The following PPM1L variants were observed in gnomAD, a reference collection of about 807,000 sequenced individuals.
The protein encoded by PPM1L is protein phosphatase 1L.
A neutral mutation model predicts 31.4 loss-of-function variants in PPM1L; 13 were observed. That is an observed-to-expected ratio of 0.41 (90% CI 0.27 to 0.66). The LOEUF (loss-of-function observed/expected upper bound fraction) is 0.66. PPM1L is among the 30% of genes least tolerant of loss of function. PPM1L has a pLI of 0.29. For missense variants in PPM1L, 326 were observed against 453.7 expected, an observed-to-expected ratio of 0.72 and a Z score of 2.56; for synonymous variants, 184 against 175.4, an observed-to-expected ratio of 1.05 and a Z score of -0.39.
At chr3:160,944,036 T>C (rs1715244967) in intron 1 of PPM1L, among the ~76,000 whole-genome samples, 2 of 152,120 alleles carry the variant, frequency 1.3e-5, no homozygotes, top group Non-Finnish European at 1.5e-5. Context: ...CAACCATAAA[T>C]CTTCACGTGG....
chr3:160,993,224 A>G (rs1405625074), intron 2 of PPM1L, among the ~76,000 whole-genome samples: 2 of 152,324 alleles, frequency 1.3e-5, no homozygotes, highest in Non-Finnish European at 2.9e-5. Context: ...TATAATGAAT[A>G]TCTAACAAAA....
chr3:160,961,577 G>A (rs565691643), intron 1 of PPM1L, among the ~76,000 whole-genome samples, 159 bp from the exon 2 acceptor site: 135 of 152,242 alleles, frequency 8.9e-4, no homozygotes, highest in African/African-American at 3.1e-3. Context: ...ACCTTACTGG[G>A]TCCAGTGGAT....
At chr3:160,875,937 C>T (rs9840801) in intron 1 of PPM1L, among the ~76,000 whole-genome samples, 2,752 of 152,288 alleles carry the variant, frequency 0.018, 97 homozygotes, top group African/African-American at 0.062. Context: ...CACAAATTCT[C>T]GCCCTTTTCA....
intron 1 of PPM1L, among the ~76,000 whole-genome samples, chr3:160,948,456 G>A (rs1030648580): frequency 1.1e-4 from 17 of 152,140 alleles, no homozygotes; most frequent in Non-Finnish European, 4.4e-5. Flanking sequence ...TGCAGTCCTC[G>A]GCAGGAGGGG....
intron 2 of PPM1L, among the ~76,000 whole-genome samples, chr3:161,001,978 C>T: frequency 7.5e-6 from 1 of 133,202 alleles, no homozygotes; most frequent in Admixed American, 7.7e-5. Flanking sequence ...CCAATGCTAT[C>T]CCTCCCCCCT....
intron 1 of PPM1L, among the ~76,000 whole-genome samples, chr3:160,832,554 A>AT (rs1216405488): frequency 3.9e-5 from 6 of 152,056 alleles, no homozygotes; most frequent in Non-Finnish European, 7.4e-5. Context: ...ATGTTAGTGC[A>AT]TTTTTTTAAT....
At chr3:161,018,721 TAGTC>T (rs1313466805) in intron 2 of PPM1L, among the ~76,000 whole-genome samples, 4 of 152,200 alleles carry the variant, frequency 2.6e-5, no homozygotes, top group Non-Finnish European at 5.9e-5. Flanking sequence ...TATCACTTAA[TAGTC>T]AGAAAAAATT....
At chr3:161,012,199 C>T (rs1013486923) in intron 2 of PPM1L, among the ~76,000 whole-genome samples, 10 of 152,078 alleles carry the variant, frequency 6.6e-5, no homozygotes, top group African/African-American at 2.4e-4. Context: ...CCCATCAATA[C>T]CTAATTTATT....
chr3:161,062,738 G>A (rs116259328), intron 2 of PPM1L, among the ~76,000 whole-genome samples: 4,085 of 152,256 alleles, frequency 0.027, 160 homozygotes, highest in African/African-American at 0.092. Flanking sequence ...CTGTTAACAC[G>A]TGGAAGCAGA....
In PPM1L at chr3:161,068,734, T is replaced by C. The variant is rs1317253479; in HGVS notation, c.737-77T>C. On this transcript the variant is annotated intron_variant, in intron 3 of 3. Coordinates refer to ENST00000498165, the MANE Select transcript of PPM1L (RefSeq NM_139245.4). ...AGTTCACATGAAGTAGGTCACCCTG[T>C]TGCGCACGTACCTAGACTATCCCAG... 5 of 1,222,740 alleles carry C rather than the reference T, an allele frequency of 4.1e-6. No individual in the cohort carries two copies. In the East Asian group the frequency reaches 9.7e-5, roughly 24 times the overall value. The allele number at this position is 1,222,740 out of a possible 1,614,324, so 75.7% of individuals were successfully genotyped here.
intron 1 of PPM1L, among the ~76,000 whole-genome samples, chr3:160,943,393 T>C (rs1715222796): frequency 6.6e-6 from 1 of 152,224 alleles, no homozygotes; most frequent in Non-Finnish European, 1.5e-5. Flanking sequence ...TAAAGTTGAG[T>C]TAAATGGGAC....
intron 1 of PPM1L, among the ~76,000 whole-genome samples, chr3:160,861,688 A>G (rs1711896249): frequency 6.6e-6 from 1 of 152,172 alleles, no homozygotes; most frequent in South Asian, 2.1e-4. Context: ...TAGTGGTTTA[A>G]AACAACACAA....
intron 2 of PPM1L, among the ~76,000 whole-genome samples, chr3:161,039,418 A>G (rs1041983368): frequency 2.0e-5 from 3 of 152,192 alleles, no homozygotes; most frequent in African/African-American, 7.2e-5. Flanking sequence ...GGGAAGCAGT[A>G]AGGAGGGGGC....
intron 2 of PPM1L, among the ~76,000 whole-genome samples, chr3:161,051,341 AGG>A (rs1322098303): frequency 6.6e-6 from 1 of 151,628 alleles, no homozygotes; most frequent in Non-Finnish European, 1.5e-5. Context: ...GCACTGAATG[AGG>A]GAACAAGGAA....
At chr3:160,776,101 G>C (rs1711552621) in intron 1 of PPM1L, among the ~76,000 whole-genome samples, 1 of 152,126 alleles carries the variant, frequency 6.6e-6, no homozygotes, top group African/African-American at 2.4e-5. Flanking sequence ...GTATATATTT[G>C]TTTCTTCTAC....
chr3:160,975,543 T>A (rs2108028617), intron 2 of PPM1L, among the ~76,000 whole-genome samples: 1 of 152,292 alleles, frequency 6.6e-6, no homozygotes, highest in South Asian at 2.1e-4. Flanking sequence ...TCCTTTTTTA[T>A]TTCCTTGAGC....
chr3:160,844,136 A>C (rs1576666202), intron 1 of PPM1L, among the ~76,000 whole-genome samples: 2 of 152,200 alleles, frequency 1.3e-5, no homozygotes, highest in East Asian at 1.9e-4. Flanking sequence ...AGGTGATCTG[A>C]ATGTATTACT....
intron 2 of PPM1L, among the ~76,000 whole-genome samples, chr3:161,039,450 T>C (rs953012207): frequency 2.0e-5 from 3 of 152,214 alleles, no homozygotes; most frequent in African/African-American, 4.8e-5. Context: ...CATCCGAAGC[T>C]GTTCTAGTGT....
intron 2 of PPM1L, among the ~76,000 whole-genome samples, chr3:161,003,939 C>T (rs1439046178): frequency 6.7e-6 from 1 of 149,692 alleles, no homozygotes; most frequent in African/African-American, 2.5e-5. Context: ...GGAATGCTTC[C>T]AGTTTTTGCC....
Sources: allele counts gnomAD v4.1 joint callset (sites outside exome capture counted in the v4.1 genomes callset), GRCh38; gene constraint gnomAD v4.1.1; transcripts MANE v1.5; gene names NCBI Gene and HGNC (gene_info 2026-07-23, HGNC 2026-07-21).